The following ENOSF1 variants were observed in gnomAD, a reference collection of about 807,000 sequenced individuals.
The protein encoded by ENOSF1 is mitochondrial enolase superfamily member 1.
ENOSF1 carries 73 observed loss-of-function variants against 68.2 expected under a neutral mutation model. That is an observed-to-expected ratio of 1.07 (90% CI 0.89 to 1.30). The LOEUF is 1.30. ENOSF1 is among the 50% of genes most tolerant of loss of function. The probability of loss-of-function intolerance (pLI) is 0.00; values close to 1 mark genes in which losing one functional copy is unlikely to be tolerated. For synonymous variants in ENOSF1, 223 were observed against 210.4 expected, an observed-to-expected ratio of 1.06 and a Z score of -0.52; for missense variants, 589 against 554.5, an observed-to-expected ratio of 1.06 and a Z score of -0.62.
intron 11 of ENOSF1, among the ~76,000 whole-genome samples, chr18:681,746 T>C (rs2076098110): frequency 6.6e-6 from 1 of 152,214 alleles, no homozygotes. Flanking sequence ...TGAACTTTTC[T>C]ACTGTGCTTG....
chr18:707,364 A>G (rs1217076444), intron 1 of ENOSF1, among the ~76,000 whole-genome samples: 1 of 152,178 alleles, frequency 6.6e-6, no homozygotes, highest in Non-Finnish European at 1.5e-5. Flanking sequence ...ACTCGCAGCT[A>G]TCTCTGTCAG....
At chr18:694,440 G>A (rs1384384217) in intron 3 of ENOSF1, 106 bp from the exon 4 acceptor site, 3 of 981,890 alleles carry the variant, frequency 3.1e-6, no homozygotes, top group East Asian at 5.2e-5. Context: ...AGACCAGCCT[G>A]GCCAACATGG....
chr18:686,109 GAT>G (rs2076591725), intron 9 of ENOSF1, 101 bp from the exon 10 acceptor site: 9 of 838,592 alleles, frequency 1.1e-5, no homozygotes, highest in South Asian at 5.5e-5. Context: ...ACAATTCACA[GAT>G]ATGTTTTTTA....
chr18:676,719 C>A (rs543096380), intron 14 of ENOSF1, among the ~76,000 whole-genome samples: 2 of 152,214 alleles, frequency 1.3e-5, no homozygotes, highest in African/African-American at 4.8e-5. Flanking sequence ...CACTACCCCC[C>A]TGAAGAGAAA....
At chr18:700,539 A>T (rs1485314221) in intron 2 of ENOSF1, among the ~76,000 whole-genome samples, 1 of 152,156 alleles carries the variant, frequency 6.6e-6, no homozygotes, top group Non-Finnish European at 1.5e-5. Context: ...TCTACAGTGT[A>T]TGGATTTTTC....
At chr18:675,931 C>T (rs368118488) in intron 14 of ENOSF1, among the ~76,000 whole-genome samples, 77 of 152,092 alleles carry the variant, frequency 5.1e-4, no homozygotes, top group African/African-American at 1.5e-3. Context: ...GAAAACAATC[C>T]GAACAGGTCC....
chr18:700,881 ACT>A (rs1307326015), intron 2 of ENOSF1, among the ~76,000 whole-genome samples: 3 of 120,492 alleles, frequency 2.5e-5, no homozygotes, highest in African/African-American at 1.0e-4. Context: ...CAAGAGCGAA[ACT>A]CTGCCTCAAA....
At chr18:680,172 G>A (rs918744664) in intron 11 of ENOSF1, among the ~76,000 whole-genome samples, 1 of 152,144 alleles carries the variant, frequency 6.6e-6, no homozygotes, top group African/African-American at 2.4e-5. Context: ...CCCTGATTCC[G>A]GTGCTGGCCC....
In ENOSF1 at chr18:690,639, AAC is replaced by A. The variant is rs1019204386; in HGVS notation, c.536-10_536-9del. ...GTGCCAGCATTTGCTTCTCTGTGAA[AAC>A]ACAGCGCCGTCAACATTTTGCACTT... is the stretch of plus-strand genomic sequence containing the variant. On this transcript the variant is annotated splice_polypyrimidine_tract_variant and intron_variant, in intron 7 of 15. Coordinates refer to ENST00000647584, the MANE Select transcript of ENOSF1 (RefSeq NM_017512.7). The A allele has an allele frequency of 2.8e-5, 45 of 1,613,406 alleles. No homozygotes were observed. Among genetic ancestry groups the A allele is most frequent in the Non-Finnish European group, 3.2e-5 (38 of 1,179,996 alleles).
chr18:701,674 G>A (rs1209614400), intron 2 of ENOSF1, among the ~76,000 whole-genome samples: 1 of 150,626 alleles, frequency 6.6e-6, no homozygotes, highest in South Asian at 2.1e-4. Context: ...GGAGAATGGC[G>A]TGAACCCAGG....
Position 677,825 on chromosome 18 carries a change from C to G in ENOSF1, c.966G>C (p.Leu322=). Residue 322 remains leucine (L), a synonymous_variant, in exon 13 of 16, where the codon CTG becomes CTC. Coordinates refer to ENST00000647584, the MANE Select transcript of ENOSF1 (RefSeq NM_017512.7). ...IFKQLLQAKA[L]QFLQIDSCRL... ...TGCAACTGTCAATCTGGAGGAACTG[C>G]AGGGCCTTCGCCTGTAGGAGTTGCT... The G allele has an allele frequency of 6.2e-7, 1 of 1,614,168 alleles. No homozygotes were observed. Among genetic ancestry groups the G allele is most frequent in the Non-Finnish European group, 8.5e-7 (1 of 1,180,020 alleles).
chr18:669,560 C>T (rs533903321), downstream of ENOSF1: 109 of 177,518 alleles, frequency 6.1e-4, 2 homozygotes, highest in South Asian at 0.012. Flanking sequence ...TTAGTAGAGA[C>T]GGGGTTTCAC....
intron 10 of ENOSF1, 85 bp downstream of exon 10, chr18:685,836 T>A (rs2076564940): frequency 1.8e-6 from 2 of 1,116,012 alleles, no homozygotes; most frequent in South Asian, 2.5e-5. Flanking sequence ...CTTTTTAAAT[T>A]CCCAATGTTC....
Position 691,087 on chromosome 18 carries a change from T to A in ENOSF1, c.516A>T (p.Gln172His), listed in dbSNP as rs185301866. The change falls in exon 7 of 16, where the codon CAA (glutamine) becomes CAT (histidine). Residue 172 changes from glutamine (Q) to histidine (H), a missense_variant. By Grantham distance (24) the Gln-to-His change is conservative. Coordinates refer to ENST00000647584, the MANE Select transcript of ENOSF1 (RefSeq NM_017512.7). ...ACCCACCTCTTTCTTTTTTACCAAT[T>A]TGACCTTTCTGCAGTATTTCTGGAA... The part of the protein sequence containing the change: ...EDALEILQKG[Q>H]IGKKEREKQM... The A allele has an allele frequency of 1.2e-6, 2 of 1,614,206 alleles. No homozygotes were observed. The highest frequency in any genetic ancestry group is 1.7e-6 in the Non-Finnish European group (2 of 1,180,040).
the ENOSF1 span, among the ~76,000 whole-genome samples, chr18:664,901 G>A: frequency 2.3e-4 from 33 of 142,432 alleles, no homozygotes; most frequent in Non-Finnish European, 4.5e-4. Context: ...TTTTTGATGT[G>A]CTGCTGGATT....
At chr18:704,601 G>T (rs2078729631) in intron 2 of ENOSF1, among the ~76,000 whole-genome samples, 2 of 136,974 alleles carry the variant, frequency 1.5e-5, no homozygotes, top group South Asian at 2.4e-4. Context: ...TCTGTCTTCT[G>T]TATCTTTTTT....
At chr18:690,747 T>C (rs1288026390) in intron 7 of ENOSF1, 116 bp from the exon 8 acceptor site, 1 of 1,221,354 alleles carries the variant, frequency 8.2e-7, no homozygotes, top group Non-Finnish European at 1.1e-6. Flanking sequence ...GATCCGGCCC[T>C]GCACACACAC....
At position 691,021 on chromosome 18, in the gene ENOSF1, T is replaced by A. The variant is rs370850726; in HGVS notation, c.535+47A>T. ...CCAAAAGGACAGGGGCACTCAAAAG[T>A]GGACAATGTTAGCAAAAACAATGAA... On this transcript the variant is annotated intron_variant, in intron 7 of 15. Transcript: ENST00000647584. The A allele has an allele frequency of 2.5e-6, 4 of 1,604,268 alleles. No homozygotes were observed. In the African/African-American group the frequency reaches 5.4e-5, roughly 21 times the overall value.
At position 673,717 on chromosome 18, in the gene ENOSF1, T is replaced by G. The variant is rs981257098; in HGVS notation, c.*588A>C. On this transcript the variant is annotated 3_prime_UTR_variant, in exon 16 of 16. Coordinates refer to ENST00000647584, the MANE Select transcript of ENOSF1 (RefSeq NM_017512.7). The stretch of plus-strand genomic sequence containing the variant: ...ATGACCATTTAGGATAGAGTTTTTT[T>G]TTTTTTTTTTTAAACTTTTATAACC... 14 of 127,096 alleles carry G rather than the reference T, an allele frequency of 1.1e-4. No homozygotes were observed. Among genetic ancestry groups the G allele is most frequent in the East Asian group, 3.1e-4 (1 of 3,262 alleles). The allele number at this position is 127,096 out of a possible 1,614,324, so 7.9% of individuals were successfully genotyped here. A position where few individuals can be genotyped will look rare whatever the true frequency, so the allele number is the denominator to read the frequency against.
Sources: gnomAD v4.1 joint callset for allele counts (sites outside exome capture counted in the v4.1 genomes callset) on GRCh38, gnomAD v4.1.1 for gene constraint, MANE v1.5 for transcripts, NCBI Gene and HGNC (gene_info 2026-07-23, HGNC 2026-07-21) for gene names.